Variants in TET2 observed in about 807,000 individuals in gnomAD.
TET2 encodes tet methylcytosine dioxygenase 2.
TET2 carries 299 observed loss-of-function variants against 142.9 expected under a neutral mutation model. The ratio of observed to expected loss-of-function variants is 2.09; its 90% confidence interval spans 1.90 to 2.30. The LOEUF (loss-of-function observed/expected upper bound fraction) is 2.30. Ranked by LOEUF, TET2 falls within the 30% of genes most tolerant of loss-of-function variation. TET2 has a pLI of 0.00. For synonymous variants in TET2, 819 were observed against 849.0 expected (o/e 0.96, Z 0.61); for missense variants, 2,418 against 2,378.0 (o/e 1.02, Z -0.35).
At position 105,210,432 on chromosome 4, in the gene TET2, A is replaced by C. The variant is rs118191679; in HGVS notation, c.-47+19927A>C. Among the ~76,000 whole-genome samples, 20 of 152,226 alleles carry C rather than the reference A, an allele frequency of 1.3e-4. No homozygotes were observed. The East Asian group carries it at 3.9e-3, about 29-fold the overall frequency. On this transcript the variant is annotated intron_variant, in intron 2 of 10. Coordinates refer to ENST00000380013, the MANE Select transcript of TET2 (RefSeq NM_001127208.3). ...ACTCTTACTTGGGATGATCTTATCT[A>C]GTCATGGGGCATTAAATACCATTGG...
In TET2 at chr4:105,188,200, A is replaced by G. The variant is rs571484099; in HGVS notation, c.-192-2160A>G. ...ATTATTCAACCTTAAAGAGGAAGAA[A>G]ATTCTGACACATGCTAGAAAATAAA... is the stretch of plus-strand genomic sequence containing the variant. On this transcript the variant is annotated intron_variant, in intron 1 of 10. Transcript: ENST00000380013. Among the ~76,000 whole-genome samples, 13 of 152,342 alleles carry G rather than the reference A, an allele frequency of 8.5e-5. No individual in the cohort carries two copies. The South Asian group carries it at 2.7e-3, about 32-fold the overall frequency.
At chr4:105,272,163 G>A (rs150411311) in intron 9 of TET2, among the ~76,000 whole-genome samples, 7 of 152,122 alleles carry the variant, frequency 4.6e-5, no homozygotes, top group South Asian at 4.1e-4. Flanking sequence ...AAGTCATTTC[G>A]TAGAAAAAAC....
chr4:105,269,292 G>A (rs1309035416), intron 8 of TET2, among the ~76,000 whole-genome samples: 1 of 152,160 alleles, frequency 6.6e-6, no homozygotes, highest in African/African-American at 2.4e-5. Context: ...GTAGTTGTCT[G>A]AGAACAAAGC....
intron 2 of TET2, among the ~76,000 whole-genome samples, chr4:105,196,078 A>G (rs1726071985): frequency 6.6e-6 from 1 of 152,026 alleles, no homozygotes; most frequent in Non-Finnish European, 1.5e-5. Flanking sequence ...CCCAAAACAC[A>G]GTTTAGACAT....
intron 7 of TET2, among the ~76,000 whole-genome samples, chr4:105,260,938 C>T (rs1013021758): frequency 6.6e-6 from 1 of 152,016 alleles, no homozygotes; most frequent in Non-Finnish European, 1.5e-5. Flanking sequence ...TTATCACTTT[C>T]ACGAGGTTTC....
intron 6 of TET2, among the ~76,000 whole-genome samples, chr4:105,243,979 T>G (rs555997218): frequency 1.3e-5 from 2 of 152,348 alleles, no homozygotes; most frequent in South Asian, 4.1e-4. Context: ...AATTGTACAG[T>G]TTAGCCATTA....
At chr4:105,185,566 G>T (rs1402728044) in intron 1 of TET2, among the ~76,000 whole-genome samples, 1 of 151,862 alleles carries the variant, frequency 6.6e-6, no homozygotes, top group Non-Finnish European at 1.5e-5. Context: ...GGATCACGAG[G>T]TCAGGAGATC....
intron 2 of TET2, among the ~76,000 whole-genome samples, chr4:105,214,690 G>A (rs1326271581): frequency 6.6e-6 from 1 of 151,780 alleles, no homozygotes; most frequent in African/African-American, 2.4e-5. Context: ...TGATCATGAA[G>A]CCTCCATAAA....
At chr4:105,197,995 A>G (rs1726190135) in intron 2 of TET2, among the ~76,000 whole-genome samples, 1 of 152,208 alleles carries the variant, frequency 6.6e-6, no homozygotes, top group Admixed American at 6.5e-5. Context: ...TTCCTAGAGT[A>G]GCAACGTAGA....
chr4:105,241,223 T>A (rs1384895924), intron 3 of TET2, 116 bp from the exon 4 acceptor site: 23 of 1,333,828 alleles, frequency 1.7e-5, no homozygotes, highest in Middle Eastern at 2.5e-4. Context: ...GAAAAAAAAA[T>A]TTTAAAGTCA....
At chr4:105,222,060 C>A (rs1727861185) in intron 2 of TET2, among the ~76,000 whole-genome samples, 1 of 150,886 alleles carries the variant, frequency 6.6e-6, no homozygotes, top group Non-Finnish European at 1.5e-5. Flanking sequence ...TTTTTTATGG[C>A]TGCATAGTAT....
chr4:105,249,644 T>C (rs185989238), intron 6 of TET2, among the ~76,000 whole-genome samples: 56 of 152,306 alleles, frequency 3.7e-4, no homozygotes, highest in Middle Eastern at 3.4e-3. Flanking sequence ...TCCAAGTGGG[T>C]ATGAAGTTTA....
At chr4:105,228,103 A>C (rs1252813793) in intron 2 of TET2, among the ~76,000 whole-genome samples, 1 of 152,184 alleles carries the variant, frequency 6.6e-6, no homozygotes, top group Non-Finnish European at 1.5e-5. Context: ...AGCTTGAAAG[A>C]GTACTGTGCA....
intron 1 of TET2, among the ~76,000 whole-genome samples, chr4:105,181,578 A>G (rs1217856117): frequency 6.6e-6 from 1 of 152,166 alleles, no homozygotes; most frequent in African/African-American, 2.4e-5. Flanking sequence ...ATGGTTTAAA[A>G]CTTCTTTAAA....
At chr4:105,149,152 T>G (rs1723180601) in intron 1 of TET2, among the ~76,000 whole-genome samples, 1 of 152,178 alleles carries the variant, frequency 6.6e-6, no homozygotes, top group African/African-American at 2.4e-5. Context: ...TAAAAACAAT[T>G]CCTTTTGCTA....
At chr4:105,172,932 C>T (rs1387887228) in intron 1 of TET2, among the ~76,000 whole-genome samples, 1 of 152,106 alleles carries the variant, frequency 6.6e-6, no homozygotes, top group Non-Finnish European at 1.5e-5. Context: ...ACAGCTTTTT[C>T]CAAGTTGGCT....
rs1553940593 is a variant in TET2 at position 105,148,082 on chromosome 4, A to ACC, written c.-193+1104_-193+1105dup. ...CATACACACACACACACACACACACACCTCACTCGCATCTTGCTGAATCTT... is the reference window on the plus strand; with the variant it reads ...CATACACACACACACACACACACACACCCCTCACTCGCATCTTGCTGAATCTT... On this transcript the variant is annotated intron_variant, in intron 1 of 10. Coordinates refer to ENST00000380013, the MANE Select transcript of TET2 (RefSeq NM_001127208.3). Among the ~76,000 whole-genome samples, 48 of 150,560 alleles carry ACC rather than the reference A, an allele frequency of 3.2e-4. 1 individual carries two copies. The South Asian group carries it at 3.4e-3, about 11-fold the overall frequency.
intron 1 of TET2, among the ~76,000 whole-genome samples, chr4:105,168,654 T>A (rs1724288763): frequency 6.6e-6 from 1 of 152,142 alleles, no homozygotes. Context: ...AGTTCTTTAG[T>A]GGTGATTTGT....
chr4:105,271,064 C>T (rs1730929776), intron 9 of TET2, among the ~76,000 whole-genome samples: 1 of 152,172 alleles, frequency 6.6e-6, no homozygotes, highest in South Asian at 2.1e-4. Context: ...ATTTTAGGGA[C>T]TGCAGGCCAC....
Sources: gnomAD v4.1 joint callset for allele counts (sites outside exome capture counted in the v4.1 genomes callset) on GRCh38, gnomAD v4.1.1 for gene constraint, MANE v1.5 for transcripts, NCBI Gene and HGNC (gene_info 2026-07-23, HGNC 2026-07-21) for gene names.